Variants in CACNA2D3 observed in about 807,000 individuals in gnomAD.
The protein encoded by CACNA2D3 is calcium voltage-gated channel auxiliary subunit alpha2delta 3, also known as voltage-dependent calcium channel subunit alpha-2/delta-3.
In CACNA2D3, 60 loss-of-function variants were observed where a neutral mutation model predicts 160.6. That is an observed-to-expected ratio of 0.37 (90% CI 0.30 to 0.46). CACNA2D3 has a LOEUF of 0.46. Among genes scored for constraint, CACNA2D3 ranks in the 20% least tolerant of loss-of-function variants. The pLI is 1.00. For missense variants in CACNA2D3, 1,205 were observed against 1,365.0 expected, an observed-to-expected ratio of 0.88 and a Z score of 1.85; for synonymous variants, 558 against 492.9, an observed-to-expected ratio of 1.13 and a Z score of -1.75.
At chr3:54,515,756 C>G (rs1255699478) in intron 5 of CACNA2D3, among the ~76,000 whole-genome samples, 1 of 152,148 alleles carries the variant, frequency 6.6e-6, no homozygotes, top group Non-Finnish European at 1.5e-5. Context: ...CATGGAAATG[C>G]CCTGCCTCAA....
intron 3 of CACNA2D3, among the ~76,000 whole-genome samples, chr3:54,328,623 G>C (rs1704172507): frequency 6.6e-6 from 1 of 152,110 alleles, no homozygotes; most frequent in South Asian, 2.1e-4. Flanking sequence ...GGCACAGTGG[G>C]TCCCTCCGGC....
chr3:54,891,180 CGTGTGTGTGTGT>C (rs3836392), intron 24 of CACNA2D3, among the ~76,000 whole-genome samples, 163 bp from the exon 25 acceptor site: 91 of 141,992 alleles, frequency 6.4e-4, no homozygotes, highest in Middle Eastern at 3.8e-3. Context: ...AATCTGTGCT[CGTGTGTGTGTGT>C]GTGTGTGTGT....
intron 3 of CACNA2D3, among the ~76,000 whole-genome samples, chr3:54,363,351 G>C (rs1366691697): frequency 6.6e-6 from 1 of 152,142 alleles, no homozygotes; most frequent in Non-Finnish European, 1.5e-5. Context: ...AAGGTGTCCT[G>C]ATGTCAAGCA....
intron 4 of CACNA2D3, among the ~76,000 whole-genome samples, chr3:54,494,103 G>T (rs773564618): frequency 6.6e-6 from 1 of 152,186 alleles, no homozygotes; most frequent in Non-Finnish European, 1.5e-5. Flanking sequence ...ATCACACTTA[G>T]TAGGTCATCA....
chr3:54,222,525 T>A (rs1701594365), intron 2 of CACNA2D3, among the ~76,000 whole-genome samples: 2 of 152,216 alleles, frequency 1.3e-5, no homozygotes, highest in South Asian at 4.2e-4. Flanking sequence ...CTGAGTCTGC[T>A]GAGTCAATGT....
At chr3:54,269,535 G>T (rs1351932133) in intron 2 of CACNA2D3, among the ~76,000 whole-genome samples, 2 of 152,148 alleles carry the variant, frequency 1.3e-5, no homozygotes, top group Non-Finnish European at 2.9e-5. Flanking sequence ...TGAAGGTGAG[G>T]GAGATGTGCC....
chr3:54,661,374 A>G (rs1039917196), intron 11 of CACNA2D3, among the ~76,000 whole-genome samples: 1 of 152,220 alleles, frequency 6.6e-6, no homozygotes, highest in African/African-American at 2.4e-5. Flanking sequence ...GACAGAAACA[A>G]AAACTAACGG....
chr3:54,954,265 C>T (rs778436668), intron 27 of CACNA2D3, among the ~76,000 whole-genome samples: 2 of 152,206 alleles, frequency 1.3e-5, no homozygotes, highest in Non-Finnish European at 2.9e-5. Context: ...CGGCAGCTCC[C>T]TGGGCCTCAC....
At chr3:54,246,528 A>G (rs541802911) in intron 2 of CACNA2D3, among the ~76,000 whole-genome samples, 216 of 152,126 alleles carry the variant, frequency 1.4e-3, no homozygotes, top group African/African-American at 5.0e-3. Context: ...CTCCATCTCT[A>G]CTAAAAATAC....
At chr3:54,834,137 C>T (rs1703935133) in intron 14 of CACNA2D3, among the ~76,000 whole-genome samples, 1 of 152,150 alleles carries the variant, frequency 6.6e-6, no homozygotes, top group Non-Finnish European at 1.5e-5. Context: ...AAGTTAGTTT[C>T]TCATAATCTT....
chr3:54,936,872 T>A (rs1237752938), intron 27 of CACNA2D3, among the ~76,000 whole-genome samples: 2 of 152,188 alleles, frequency 1.3e-5, no homozygotes, highest in African/African-American at 2.4e-5. Context: ...ACATTTCATT[T>A]GTGATTCTAA....
At chr3:54,786,009 C>G (rs1432394753) in intron 13 of CACNA2D3, among the ~76,000 whole-genome samples, 2 of 152,148 alleles carry the variant, frequency 1.3e-5, no homozygotes, top group African/African-American at 4.8e-5. Context: ...CACCCAGCCA[C>G]CCTCTGCCAT....
chr3:54,320,197 T>G (rs551250758), intron 2 of CACNA2D3, among the ~76,000 whole-genome samples: 17 of 152,336 alleles, frequency 1.1e-4, no homozygotes, highest in African/African-American at 4.1e-4. Context: ...ATCGTTTAAT[T>G]GGGTTAAGAT....
chr3:54,364,121 ACCCCAGAATGTCCATT>A (rs1177028244), intron 3 of CACNA2D3, among the ~76,000 whole-genome samples: 1 of 152,154 alleles, frequency 6.6e-6, no homozygotes, highest in African/African-American at 2.4e-5. Flanking sequence ...CGCTGGGCAG[ACCCCAGAATGTCCATT>A]AAACCAACCG....
intron 2 of CACNA2D3, among the ~76,000 whole-genome samples, chr3:54,236,116 T>C (rs1701871695): frequency 6.6e-6 from 1 of 152,198 alleles, no homozygotes; most frequent in African/African-American, 2.4e-5. Context: ...AGGAATACTC[T>C]ACAAAATACC....
intron 35 of CACNA2D3, among the ~76,000 whole-genome samples, chr3:55,057,131 G>T (rs1704382441): frequency 6.6e-6 from 1 of 152,120 alleles, no homozygotes; most frequent in Non-Finnish European, 1.5e-5. Context: ...TCTCGTGATA[G>T]TGAATAGCCA....
chr3:54,556,738 A>G (rs552758378), intron 5 of CACNA2D3, among the ~76,000 whole-genome samples: 1 of 152,268 alleles, frequency 6.6e-6, no homozygotes, highest in Admixed American at 6.5e-5. Flanking sequence ...TTTGCCTGCT[A>G]CTCAGCAGGT....
At chr3:54,389,315 A>T (rs1290555891) in intron 4 of CACNA2D3, among the ~76,000 whole-genome samples, 2 of 151,942 alleles carry the variant, frequency 1.3e-5, no homozygotes, top group African/African-American at 4.8e-5. Context: ...AAAAAGACAA[A>T]TGAGGGGGAA....
chr3:54,913,914 A>G (rs1363197127), intron 27 of CACNA2D3, among the ~76,000 whole-genome samples: 3 of 152,218 alleles, frequency 2.0e-5, no homozygotes, highest in African/African-American at 7.2e-5. Flanking sequence ...AGAGAAAATT[A>G]AGTATTATGC....
Sources: allele counts gnomAD v4.1 joint callset (sites outside exome capture counted in the v4.1 genomes callset), GRCh38; gene constraint gnomAD v4.1.1; transcripts MANE v1.5; gene names NCBI Gene and HGNC (gene_info 2026-07-23, HGNC 2026-07-21).